Variants in ARID2 observed in about 807,000 individuals in gnomAD.
The protein encoded by ARID2 is AT-rich interactive domain-containing protein 2.
Under a neutral mutation model 184.6 loss-of-function variants are expected in ARID2, and 32 were observed. The ratio of observed to expected loss-of-function variants is 0.17; its 90% CI spans 0.13 to 0.23. The LOEUF (loss-of-function observed/expected upper bound fraction) is 0.23. ARID2 is among the 10% of genes least tolerant of loss of function. ARID2 has a pLI of 1.00. For synonymous variants in ARID2, 836 were observed against 772.6 expected (o/e 1.08, Z -1.36); for missense variants, 1,696 against 2,197.6 (o/e 0.77, Z 4.56).
At chr12:45,785,153 G>T (rs1177804286) in intron 3 of ARID2, among the ~76,000 whole-genome samples, 3 of 152,174 alleles carry the variant, frequency 2.0e-5, no homozygotes, top group Non-Finnish European at 4.4e-5. Context: ...AGAGGTGATG[G>T]AAAATAAGGT....
intron 3 of ARID2, among the ~76,000 whole-genome samples, chr12:45,809,949 C>A (rs184306318): frequency 6.6e-6 from 1 of 152,240 alleles, no homozygotes; most frequent in Non-Finnish European, 1.5e-5. Flanking sequence ...CCAGGATACT[C>A]TTACATGTTC....
intron 3 of ARID2, among the ~76,000 whole-genome samples, chr12:45,808,265 T>C (rs1325262563): frequency 1.3e-5 from 2 of 152,216 alleles, no homozygotes; most frequent in Admixed American, 1.3e-4. Flanking sequence ...GTTAATACTT[T>C]TTAGTTTTTA....
chr12:45,837,149 T>C (rs1175990035), intron 8 of ARID2, among the ~76,000 whole-genome samples, 158 bp downstream of exon 8: 1 of 152,214 alleles, frequency 6.6e-6, no homozygotes, highest in African/African-American at 2.4e-5. Context: ...TCACATACTT[T>C]TATGGAAAAA....
intron 6 of ARID2, among the ~76,000 whole-genome samples, 176 bp downstream of exon 6, chr12:45,821,663 A>G (rs747483564): frequency 6.6e-6 from 1 of 152,212 alleles, no homozygotes; most frequent in African/African-American, 2.4e-5. Context: ...AAAATCTTTT[A>G]GAATACCCAC....
At chr12:45,859,214 TCACTGTAC>T (rs2138190411) in intron 15 of ARID2, among the ~76,000 whole-genome samples, 1 of 152,362 alleles carries the variant, frequency 6.6e-6, no homozygotes, top group Admixed American at 6.5e-5. Context: ...AATATTGTTT[TCACTGTAC>T]CTTTTCTATG....
At chr12:45,789,171 C>G (rs1178782338) in intron 3 of ARID2, 1 of 152,210 alleles carries the variant, frequency 6.6e-6, no homozygotes, top group African/African-American at 2.4e-5. Flanking sequence ...GTTTCCTTAT[C>G]TGTAGAATAA....
chr12:45,883,812 G>A (rs1398206276), intron 16 of ARID2, among the ~76,000 whole-genome samples: 1 of 151,834 alleles, frequency 6.6e-6, no homozygotes, highest in Non-Finnish European at 1.5e-5. Context: ...TGTTCAAAGA[G>A]CAGTCATGGG....
At position 45,852,077 on chromosome 12, in the gene ARID2, G is replaced by A. The variant is rs1259791387; in HGVS notation, c.3954G>A (p.Gln1318=). The A allele has an allele frequency of 6.2e-7, 1 of 1,613,996 alleles. No individual in the cohort carries two copies. The highest frequency in any genetic ancestry group is 1.3e-5 in the African/African-American group (1 of 74,942). The change falls in exon 15 of 21, where the codon CAG becomes CAA. Residue 1318 remains glutamine, a synonymous_variant. Coordinates refer to ENST00000334344, the MANE Select transcript of ARID2 (RefSeq NM_152641.4). ...GGAAAATTCAAAGTGAGACTAATCA[G>A]TGCTCACTAATCAGTAATGGGCCAT... The part of the protein sequence containing the change: ...NSGKIQSETN[Q]CSLISNGPSL...
chr12:45,900,953 G>T (rs183786783), intron 20 of ARID2, among the ~76,000 whole-genome samples: 11 of 151,806 alleles, frequency 7.2e-5, no homozygotes, highest in Admixed American at 6.6e-4. Flanking sequence ...TGAATATTCT[G>T]AGGTTTCTTG....
intron 3 of ARID2, among the ~76,000 whole-genome samples, chr12:45,787,786 C>T (rs1041136259): frequency 2.0e-5 from 3 of 151,938 alleles, no homozygotes; most frequent in African/African-American, 7.3e-5. Context: ...ATATAGGGAT[C>T]CTTATCCTCA....
At chr12:45,733,340 C>G (rs945805270) in intron 3 of ARID2, among the ~76,000 whole-genome samples, 2 of 152,174 alleles carry the variant, frequency 1.3e-5, no homozygotes, top group African/African-American at 4.8e-5. Context: ...ACACCTTCCT[C>G]TGAAAAATCT....
intron 3 of ARID2, among the ~76,000 whole-genome samples, chr12:45,760,683 A>G (rs1165489410): frequency 6.6e-6 from 1 of 151,124 alleles, no homozygotes; most frequent in Non-Finnish European, 1.5e-5. Flanking sequence ...TTTTACCGGT[A>G]TATGTTTCCA....
rs2136462486 is a variant in ARID2 at position 45,893,533 on chromosome 12, G to A, written c.5261G>A (p.Arg1754Gln). 3 of 1,613,574 alleles carry A rather than the reference G, an allele frequency of 1.9e-6. No individual in the cohort carries two copies. Among genetic ancestry groups the A allele is most frequent in the East Asian group, 2.2e-5 (1 of 44,868 alleles). Reference protein sequence around the residue: ...LRRGSRNLVFRDFTDEKEGPI... With the variant: ...LRRGSRNLVFQDFTDEKEGPI... ...AGAGGATCAAGAAACCTTGTCTTTC[G>A]AGATTTTACAGTAAGCATGCCTTGA... The change falls in exon 19 of 21, where the codon CGA becomes CAA. Residue 1754 changes from arginine (R) to glutamine (Q), a missense_variant. Arg to Gln is a conservative substitution (Grantham distance 43). This residue lies in a region of ARID2 where 69 missense variants were observed against 118.2 expected (regional missense o/e 0.58). Coordinates refer to ENST00000334344, the MANE Select transcript of ARID2 (RefSeq NM_152641.4).
intron 6 of ARID2, among the ~76,000 whole-genome samples, chr12:45,823,856 T>C (rs891440136): frequency 5.9e-5 from 9 of 152,092 alleles, no homozygotes; most frequent in South Asian, 2.1e-4. Context: ...TCCAAACTTA[T>C]AAAGAAGAAC....
At chr12:45,752,840 A>G (rs1592055221) in intron 3 of ARID2, among the ~76,000 whole-genome samples, 1 of 152,262 alleles carries the variant, frequency 6.6e-6, no homozygotes, top group African/African-American at 2.4e-5. Context: ...TTAAGCTAAA[A>G]CAACCACTAC....
intron 3 of ARID2, among the ~76,000 whole-genome samples, chr12:45,745,805 TCC>T (rs1195279761): frequency 1.3e-5 from 2 of 152,126 alleles, no homozygotes; most frequent in East Asian, 3.9e-4. Context: ...CGCCTTGGCC[TCC>T]CAAAGTGCTG....
At chr12:45,834,706 C>T (rs1269604872) in intron 6 of ARID2, among the ~76,000 whole-genome samples, 1 of 152,216 alleles carries the variant, frequency 6.6e-6, no homozygotes, top group Non-Finnish European at 1.5e-5. Context: ...CGCCATTGCA[C>T]TCTAGCCTGG....
Position 45,783,941 on chromosome 12 carries a change from A to C in ARID2, c.285-27477A>C, listed in dbSNP as rs1417175767. Among the ~76,000 whole-genome samples, 4 of 152,328 alleles carry C rather than the reference A, an allele frequency of 2.6e-5. No homozygotes were observed. In the East Asian group the frequency reaches 7.7e-4, roughly 29 times the overall value. On this transcript the variant is annotated intron_variant, in intron 3 of 20. Transcript: ENST00000334344. ...GGAAAACTATTGGACCTAATGAGAG[A>C]CTTCTATAAAGTGGACAGAATCCAA... is the stretch of plus-strand genomic sequence containing the variant.
intron 15 of ARID2, among the ~76,000 whole-genome samples, chr12:45,856,700 A>G (rs760571603): frequency 1.3e-5 from 2 of 152,170 alleles, no homozygotes; most frequent in Non-Finnish European, 1.5e-5. Flanking sequence ...TCCAACCTCC[A>G]TTAATCAGCT....
Sources: gnomAD v4.1 joint callset for allele counts (sites outside exome capture counted in the v4.1 genomes callset) on GRCh38, gnomAD v4.1.1 for gene constraint, gnomAD v4.1.1 regional missense constraint, MANE v1.5 for transcripts, NCBI Gene and HGNC (gene_info 2026-07-23, HGNC 2026-07-21) for gene names.